PIEZO2: variants seen among roughly 807,000 people sequenced by gnomAD.
The protein encoded by PIEZO2 is piezo type mechanosensitive ion channel component 2, also known as piezo-type mechanosensitive ion channel component 2.
A neutral mutation model predicts 337.3 loss-of-function variants in PIEZO2; 172 were observed. The observed-to-expected ratio is 0.51, with a 90% CI of 0.45 to 0.58. The LOEUF is 0.58. Among genes scored for constraint, PIEZO2 ranks in the 20% least tolerant of loss-of-function variants. PIEZO2 has a pLI of 0.00. For synonymous variants in PIEZO2, 1,251 were observed against 1,228.5 expected (o/e 1.02, Z -0.38); for missense variants, 3,028 against 3,391.3 (o/e 0.89, Z 2.66).
At chr18:11,086,582 G>A (rs368818993) in intron 1 of PIEZO2, among the ~76,000 whole-genome samples, 4 of 151,912 alleles carry the variant, frequency 2.6e-5, no homozygotes, top group African/African-American at 7.3e-5. Context: ...TAAGTGCAAA[G>A]CATACAGGAG....
intron 4 of PIEZO2, among the ~76,000 whole-genome samples, chr18:10,891,657 G>A (rs1329307277): frequency 1.3e-5 from 2 of 152,270 alleles, no homozygotes; most frequent in Non-Finnish European, 2.9e-5. Context: ...AGGCTAAAAT[G>A]TTTTCAGAGC....
Position 11,001,786 on chromosome 18 carries a change from G to A in PIEZO2, c.161-22126C>T, listed in dbSNP as rs2035543856. 6.6e-6 allele frequency among the ~76,000 whole-genome samples: 1 copy of A among 152,086 alleles called. No homozygotes were observed. The highest frequency in any genetic ancestry group is 6.6e-5 in the Admixed American group (1 of 15,266). ...CCAGCCACTCGGGAGGCTGAGGCATGAGAATAGCTTGAACCCAGGAGGCAG... is the reference window on the plus strand; with the variant it reads ...CCAGCCACTCGGGAGGCTGAGGCATAAGAATAGCTTGAACCCAGGAGGCAG... On this transcript the variant is annotated intron_variant, in intron 2 of 55. Transcript: ENST00000674853. This position sits in a 1 kb window ranked among gnomAD's most constrained non-coding sequence, Gnocchi z 5.3.
intron 49 of PIEZO2, among the ~76,000 whole-genome samples, chr18:10,685,193 C>T (rs2034496944): frequency 6.6e-6 from 1 of 152,212 alleles, no homozygotes; most frequent in African/African-American, 2.4e-5. Context: ...TGGAATCACA[C>T]CCAGGAAGAG....
Position 10,839,317 on chromosome 18 carries a change from C to A in PIEZO2, c.917+16036G>T, listed in dbSNP as rs538885584. On this transcript the variant is annotated intron_variant, in intron 7 of 55. Transcript: ENST00000674853. ...TGGGATAGTTCCATTACAGGACTCA[C>A]TTATTAATTTGTCCTTTTATTCAGC... Among the ~76,000 whole-genome samples, 9 of 152,316 alleles carry A rather than the reference C, an allele frequency of 5.9e-5. No homozygotes were observed. The South Asian group carries it at 1.9e-3, about 32-fold the overall frequency.
At chr18:10,947,555 G>A (rs903645114) in intron 3 of PIEZO2, among the ~76,000 whole-genome samples, 2 of 152,152 alleles carry the variant, frequency 1.3e-5, no homozygotes, top group African/African-American at 4.8e-5. Flanking sequence ...TACCAGCAGA[G>A]TCTCTCAGAA....
rs2039150008 is a variant in PIEZO2 at position 10,784,644 on chromosome 18, T to C, written c.2492+140A>G. ...GAATCTTCCACATGTTTTCCTCTTT[T>C]TCTCACAAGCTGATACTCATGGAAA... On this transcript the variant is annotated intron_variant, in intron 17 of 55. Transcript: ENST00000674853. This position sits in a 1 kb window ranked among gnomAD's most constrained non-coding sequence, Gnocchi z 4.5. The C allele has an allele frequency of 2.5e-6, 2 of 786,800 alleles. No homozygotes were observed. The highest frequency in any genetic ancestry group is 6.1e-5 in the Admixed American group (2 of 33,020). The allele number at this position is 786,800 out of a possible 1,614,324, so 48.7% of individuals were successfully genotyped here.
At chr18:10,836,143 C>G (rs764767685) in intron 7 of PIEZO2, among the ~76,000 whole-genome samples, 2 of 152,084 alleles carry the variant, frequency 1.3e-5, no homozygotes, top group Non-Finnish European at 2.9e-5. Context: ...TCTCGACACA[C>G]TTAGTTATGC....
intron 7 of PIEZO2, among the ~76,000 whole-genome samples, chr18:10,841,406 G>T (rs752476342): frequency 6.6e-6 from 1 of 152,126 alleles, no homozygotes; most frequent in African/African-American, 2.4e-5. Context: ...GAGCCACAGT[G>T]GGGGAGGCCA....
rs375418433 is a variant in PIEZO2 at position 10,936,090 on chromosome 18, A to C, written c.287-24862T>G. ...GAACCAAAATTCCAATTACTTTTCA[A>C]AGCAAGAGAAGCAATGGTTTGTGGA... On this transcript the variant is annotated intron_variant, in intron 3 of 55. Coordinates refer to ENST00000674853, the MANE Select transcript of PIEZO2 (RefSeq NM_001378183.1). 2.0e-4 allele frequency among the ~76,000 whole-genome samples: 30 copies of C among 152,280 alleles called. No homozygotes were observed. In the South Asian group the frequency reaches 5.2e-3, roughly 26 times the overall value.
rs2144695348 is a variant in PIEZO2, at chr18:10,855,746, G to A, written c.704-180C>T. Among the ~76,000 whole-genome samples the A allele has an allele frequency of 6.6e-6, 1 of 152,176 alleles. No homozygotes were observed. Among genetic ancestry groups the A allele is most frequent in the East Asian group, 1.9e-4 (1 of 5,186 alleles). ...TAAAAATTAATGCTAGATTTATTGT[G>A]AAAAAGTCACATATGAAATGATAAC... On this transcript the variant is annotated intron_variant, in intron 6 of 55. Coordinates refer to ENST00000674853, the MANE Select transcript of PIEZO2 (RefSeq NM_001378183.1). The surrounding 1 kb of genome is among the most constrained non-coding windows in gnomAD (Gnocchi z 4.9).
intron 49 of PIEZO2, among the ~76,000 whole-genome samples, chr18:10,687,470 T>C (rs1361534985): frequency 6.9e-6 from 1 of 145,652 alleles, no homozygotes; most frequent in Non-Finnish European, 1.5e-5. Flanking sequence ...CTTAGTAGAG[T>C]TCTGGGCACA....
rs1367387213 is a variant in PIEZO2, at chr18:10,973,209, T to G, written c.286+6326A>C. 6.6e-6 allele frequency among the ~76,000 whole-genome samples: 1 copy of G among 152,160 alleles called. No homozygotes were observed. Among genetic ancestry groups the G allele is most frequent in the African/African-American group, 2.4e-5 (1 of 41,450 alleles). On this transcript the variant is annotated intron_variant, in intron 3 of 55. Transcript: ENST00000674853. The surrounding 1 kb of genome is among the most constrained non-coding windows in gnomAD (Gnocchi z 4.9). ...TTGGCCTAAGGGTTGTTCATACGGG[T>G]GGGTGTCATGCAGTGCTACCACTCA...
intron 1 of PIEZO2, among the ~76,000 whole-genome samples, chr18:11,119,274 AG>A (rs1233623410): frequency 6.6e-6 from 1 of 151,756 alleles, no homozygotes; most frequent in Non-Finnish European, 1.5e-5. Context: ...CAGCCTCTTA[AG>A]TAGCTGGGAC....
intron 36 of PIEZO2, among the ~76,000 whole-genome samples, chr18:10,723,569 T>C (rs939454843): frequency 3.3e-5 from 5 of 152,100 alleles, no homozygotes; most frequent in African/African-American, 1.2e-4. Flanking sequence ...TTTATGCTGA[T>C]GGAAAGACTC....
intron 1 of PIEZO2, among the ~76,000 whole-genome samples, chr18:11,141,490 G>A (rs2040644514): frequency 6.6e-6 from 1 of 152,210 alleles, no homozygotes; most frequent in African/African-American, 2.4e-5. Context: ...TCTGCATGCT[G>A]CGGGGCGCAC....
At chr18:10,990,504 C>G (rs1395886506) in intron 2 of PIEZO2, among the ~76,000 whole-genome samples, 1 of 152,086 alleles carries the variant, frequency 6.6e-6, no homozygotes, top group Non-Finnish European at 1.5e-5. Flanking sequence ...CCCGTCCATG[C>G]AGCTTTGGGG....
At chr18:11,007,237 T>C (rs1310649487) in intron 2 of PIEZO2, among the ~76,000 whole-genome samples, 1 of 152,228 alleles carries the variant, frequency 6.6e-6, no homozygotes, top group Non-Finnish European at 1.5e-5. Flanking sequence ...TTCCCAGATT[T>C]AGTCATAACA....
chr18:10,828,997 C>A lies in PIEZO2; in HGVS notation c.918-21723G>T, dbSNP rs1203638627. Among the ~76,000 whole-genome samples the A allele has an allele frequency of 1.3e-5, 2 of 152,198 alleles. No individual in the cohort carries two copies. Among genetic ancestry groups the A allele is most frequent in the Non-Finnish European group, 2.9e-5 (2 of 68,036 alleles). ...TCAACCATTCACTCCTTACTTAATT[C>A]AAGTGGTGGGCATTCCCTTACATTT... On this transcript the variant is annotated intron_variant, in intron 7 of 55. Coordinates refer to ENST00000674853, the MANE Select transcript of PIEZO2 (RefSeq NM_001378183.1). The surrounding 1 kb of genome is among the most constrained non-coding windows in gnomAD (Gnocchi z 4.1).
At chr18:11,060,550 C>T (rs917908057) in intron 2 of PIEZO2, among the ~76,000 whole-genome samples, 28 of 151,976 alleles carry the variant, frequency 1.8e-4, no homozygotes, top group African/African-American at 5.6e-4. Context: ...ATCAAATAGA[C>T]GCAATAAAAA....
Sources: allele counts gnomAD v4.1 joint callset (sites outside exome capture counted in the v4.1 genomes callset), GRCh38; gene constraint gnomAD v4.1.1; non-coding constraint Gnocchi (gnomAD v3.1); transcripts MANE v1.5; gene names NCBI Gene and HGNC (gene_info 2026-07-23, HGNC 2026-07-21).